ZCCHC4: variants seen among roughly 807,000 people sequenced by gnomAD.
ZCCHC4 encodes rRNA N(6)-adenosine-methyltransferase ZCCHC4.
A neutral mutation model predicts 67.7 loss-of-function variants in ZCCHC4; 54 were observed. That is an observed-to-expected ratio of 0.80 (90% confidence interval 0.64 to 1.00). The LOEUF (loss-of-function observed/expected upper bound fraction) is 1.00, where lower values mean the gene tolerates loss of function less well. Among genes scored for constraint, ZCCHC4 ranks in the 50% least tolerant of loss-of-function variants. The pLI is 0.00. For missense variants in ZCCHC4, 609 were observed against 617.0 expected (o/e 0.99, Z 0.14); for synonymous variants, 198 against 213.5 (o/e 0.93, Z 0.63).
chr4:25,368,561 G>C (rs2109098235), intron 12 of ZCCHC4, among the ~76,000 whole-genome samples: 1 of 152,268 alleles, frequency 6.6e-6, no homozygotes, highest in South Asian at 2.1e-4. Flanking sequence ...TACGACTTAG[G>C]AAACAGGCCC....
At chr4:25,337,369 C>G (rs1288878940) in intron 5 of ZCCHC4, among the ~76,000 whole-genome samples, 1 of 152,212 alleles carries the variant, frequency 6.6e-6, no homozygotes, top group Non-Finnish European at 1.5e-5. Flanking sequence ...TGATTTCATT[C>G]TGCAGACAGC....
chr4:25,337,968 A>G (rs936460035), intron 5 of ZCCHC4, among the ~76,000 whole-genome samples: 4 of 152,248 alleles, frequency 2.6e-5, no homozygotes, highest in African/African-American at 7.2e-5. Context: ...TAAAAAAGGA[A>G]AAATGATCTT....
At chr4:25,350,435 T>C (rs1371299880) in intron 7 of ZCCHC4, among the ~76,000 whole-genome samples, 2 of 151,936 alleles carry the variant, frequency 1.3e-5, no homozygotes, top group Non-Finnish European at 2.9e-5. Flanking sequence ...TAATTTTTTT[T>C]CCCCTGTATT....
chr4:25,333,243 G>C lies in ZCCHC4; in HGVS notation c.390G>C (p.Gln130His), dbSNP rs760889520. Reference sequence around the variant, plus strand: ...GAAAGTTTTGTCAAACATGTCAGCAGTTGTTGTTACCAGATGACTGGGGGC... The same window carrying C: ...GAAAGTTTTGTCAAACATGTCAGCACTTGTTGTTACCAGATGACTGGGGGC... ...TQRKFCQTCQ[Q>H]LLLPDDWGQH... Residue 130 changes from glutamine to histidine, a missense_variant, in exon 4 of 13, where the codon CAG becomes CAC. By Grantham distance (24) the Gln-to-His change is conservative. Transcript: ENST00000302874. 1.1e-5 allele frequency: 17 copies of C among 1,614,182 alleles called. No individual in the cohort carries two copies. The highest frequency in any genetic ancestry group is 1.4e-5 in the Non-Finnish European group (17 of 1,180,020).
In ZCCHC4 at chr4:25,365,809, AT is replaced by A. The variant is rs1454418499; in HGVS notation, c.1406+644del. Reference sequence around the variant, plus strand: ...AAGAGGCACTGCTTCTGGAATAGTTATCCCCAAAACAAAACAAAAAGAGAAA... The same window carrying A: ...AAGAGGCACTGCTTCTGGAATAGTTACCCCAAAACAAAACAAAAAGAGAAA... On this transcript the variant is annotated intron_variant, in intron 12 of 12. Transcript: ENST00000302874. The A allele has an allele frequency of 5.1e-6, 5 of 985,348 alleles. No individual in the cohort carries two copies. The African/African-American group carries it at 8.7e-5, about 17-fold the overall frequency. 61.0% of individuals were successfully genotyped at this position (985,348 alleles called of 1,614,324 possible).
At chr4:25,333,838 G>A (rs1719311976) in intron 4 of ZCCHC4, 70 bp from the exon 5 acceptor site, 1 of 1,066,494 alleles carries the variant, frequency 9.4e-7, no homozygotes, top group Non-Finnish European at 1.3e-6. Flanking sequence ...TGATGGTTTT[G>A]TTGTTTGTTT....
intron 5 of ZCCHC4, among the ~76,000 whole-genome samples, chr4:25,335,755 T>G (rs1719429784): frequency 6.6e-6 from 1 of 152,116 alleles, no homozygotes; most frequent in Admixed American, 6.6e-5. Context: ...GTGAGACCCC[T>G]GTCTCAAAAA....
chr4:25,314,221 T>C (rs775915736), intron 2 of ZCCHC4, 57 bp downstream of exon 2: 9 of 1,153,888 alleles, frequency 7.8e-6, no homozygotes, highest in African/African-American at 1.5e-5. Flanking sequence ...ACAATTTTGT[T>C]GAGAACGTGT....
At position 25,333,321 on chromosome 4, in the gene ZCCHC4, G is replaced by C; in HGVS notation, c.468G>C (p.Arg156Ser). 4 of 1,614,082 alleles carry C rather than the reference G, an allele frequency of 2.5e-6. No individual in the cohort carries two copies. The highest frequency in any genetic ancestry group is 3.4e-6 in the Non-Finnish European group (4 of 1,180,010). ...LGNVSITQLR[R>S]PSQLLYPLEN... ...ATGTGTCCATTACCCAGTTAAGAAG[G>C]CCCAGTCAACTCCTTTATCCACTGG... The change falls in exon 4 of 13, where the codon AGG becomes AGC. Residue 156 changes from arginine to serine, a missense_variant. Coordinates refer to ENST00000302874, the MANE Select transcript of ZCCHC4 (RefSeq NM_024936.3).
In ZCCHC4 at chr4:25,367,650, C is replaced by CT. The variant is rs549983963; in HGVS notation, c.1407-1373dup. Among the ~76,000 whole-genome samples the CT allele has an allele frequency of 1.4e-3, 208 of 152,128 alleles. 1 individual carries two copies. The highest frequency in any genetic ancestry group is 8.5e-3 in the South Asian group (41 of 4,810). On this transcript the variant is annotated intron_variant, in intron 12 of 12. Transcript: ENST00000302874. ...AATCAGTATAATACTGTAAAGATGA[C>CT]TTTTTTGGTTTTAGTTTTCAATCCT...
rs939114411 is a variant in ZCCHC4, at chr4:25,338,539, T to C, written c.686+4551T>C. Among the ~76,000 whole-genome samples, 15 of 152,352 alleles carry C rather than the reference T, an allele frequency of 9.8e-5. 1 individual carries two copies. The highest frequency in any genetic ancestry group is 8.5e-4 in the Admixed American group (13 of 15,304). On this transcript the variant is annotated intron_variant, in intron 5 of 12. Coordinates refer to ENST00000302874, the MANE Select transcript of ZCCHC4 (RefSeq NM_024936.3). ...GAAGAAGCACTCTCCCTGTGAGCAG[T>C]CCCTCCCCATTTACCATGCCCCCAG...
intron 6 of ZCCHC4, among the ~76,000 whole-genome samples, chr4:25,348,159 A>C (rs1308658831): frequency 6.6e-6 from 1 of 152,224 alleles, no homozygotes; most frequent in Non-Finnish European, 1.5e-5. Flanking sequence ...AGGTTAAGGA[A>C]GTGCCAGACA....
At chr4:25,358,104 A>T (rs1720585029) in intron 8 of ZCCHC4, among the ~76,000 whole-genome samples, 1 of 152,228 alleles carries the variant, frequency 6.6e-6, no homozygotes, top group South Asian at 2.1e-4. Context: ...AATAGAAGTC[A>T]TGCTTGTTCA....
intron 3 of ZCCHC4, among the ~76,000 whole-genome samples, chr4:25,324,240 C>A (rs1005516004): frequency 4.6e-5 from 7 of 151,160 alleles, no homozygotes; most frequent in African/African-American, 1.7e-4. Context: ...TGGTCTCTAT[C>A]TCCTGACCTC....
chr4:25,323,165 G>A (rs1718675534), intron 3 of ZCCHC4, among the ~76,000 whole-genome samples: 1 of 152,186 alleles, frequency 6.6e-6, no homozygotes, highest in African/African-American at 2.4e-5. Flanking sequence ...GATGATCATT[G>A]CCCAGAGGTT....
intron 3 of ZCCHC4, among the ~76,000 whole-genome samples, chr4:25,332,215 G>A (rs1719218352): frequency 1.3e-5 from 2 of 150,226 alleles, no homozygotes; most frequent in Non-Finnish European, 2.9e-5. Context: ...GGCCCAGGCA[G>A]GAGAATCACT....
At chr4:25,319,858 T>C (rs1227352210) in intron 3 of ZCCHC4, among the ~76,000 whole-genome samples, 3 of 152,128 alleles carry the variant, frequency 2.0e-5, no homozygotes, top group Non-Finnish European at 4.4e-5. Flanking sequence ...CTATTATATT[T>C]GAAAATATTA....
Position 25,320,273 on chromosome 4 carries a change from A to G in ZCCHC4, c.329+4873A>G, listed in dbSNP as rs116254942. 8.4e-3 allele frequency among the ~76,000 whole-genome samples: 1,282 copies of G among 152,218 alleles called. 22 individuals carry two copies. The highest frequency in any genetic ancestry group is 0.028 in the African/African-American group (1,158 of 41,530). On this transcript the variant is annotated intron_variant, in intron 3 of 12. Coordinates refer to ENST00000302874, the MANE Select transcript of ZCCHC4 (RefSeq NM_024936.3). The stretch of plus-strand genomic sequence containing the variant: ...TATGTTTGCACCCTTATTGTGACCT[A>G]TGAAGACTTAGGGAAGATATTTAAA...
chr4:25,334,019 A>ATTGT lies in ZCCHC4; in HGVS notation c.686+32_686+35dup, dbSNP rs777920247. On this transcript the variant is annotated intron_variant, in intron 5 of 12. Coordinates refer to ENST00000302874, the MANE Select transcript of ZCCHC4 (RefSeq NM_024936.3). ...TTTACAAAATACAGTATTTCCTTTC[A>ATTGT]TTGTCTCCTGTTTCTTTTTAATGTT... 1.2e-5 allele frequency: 16 copies of ATTGT among 1,388,440 alleles called. No homozygotes were observed. In the East Asian group the frequency reaches 3.3e-4, roughly 28 times the overall value. 86.0% of individuals were successfully genotyped at this position (1,388,440 alleles called of 1,614,324 possible). A position where few individuals can be genotyped will look rare whatever the true frequency, so the allele number is the denominator to read the frequency against.
Sources: gnomAD v4.1 joint callset for allele counts (sites outside exome capture counted in the v4.1 genomes callset) on GRCh38, gnomAD v4.1.1 for gene constraint, MANE v1.5 for transcripts, NCBI Gene and HGNC (gene_info 2026-07-23, HGNC 2026-07-21) for gene names.